The following PDE4D variants were observed in gnomAD, a reference collection of about 807,000 sequenced individuals.
The protein encoded by PDE4D is 3',5'-cyclic-AMP phosphodiesterase 4D.
PDE4D carries 24 observed loss-of-function variants against 87.4 expected under a neutral mutation model. The observed-to-expected ratio is 0.27, with a 90% confidence interval of 0.20 to 0.39. PDE4D has a LOEUF of 0.39. Ranked by LOEUF, PDE4D falls within the 10% of genes least tolerant of loss-of-function variation. PDE4D has a pLI of 1.00. For missense variants in PDE4D, 714 were observed against 1,041.0 expected, an observed-to-expected ratio of 0.69 and a Z score of 4.32; for synonymous variants, 384 against 383.2, an observed-to-expected ratio of 1.00 and a Z score of -0.02.
intron 5 of PDE4D, among the ~76,000 whole-genome samples, chr5:59,068,440 A>C (rs912695014): frequency 3.9e-5 from 6 of 152,134 alleles, no homozygotes; most frequent in Non-Finnish European, 8.8e-5. Context: ...AGCAATTCCT[A>C]TATGGCAGAC....
intron 5 of PDE4D, among the ~76,000 whole-genome samples, chr5:59,090,744 C>T (rs1329569116): frequency 6.6e-6 from 1 of 150,568 alleles, no homozygotes; most frequent in Non-Finnish European, 1.5e-5. Context: ...TACAGAGTCT[C>T]AGACGGGACC....
chr5:59,489,068 C>T (rs1186903438), intron 1 of PDE4D, among the ~76,000 whole-genome samples: 2 of 152,014 alleles, frequency 1.3e-5, no homozygotes, highest in African/African-American at 2.4e-5. Flanking sequence ...GGGCGGATCA[C>T]GCGGTCAAGA....
intron 1 of PDE4D, among the ~76,000 whole-genome samples, chr5:59,831,623 A>G (rs1477595675): frequency 6.6e-6 from 1 of 152,102 alleles, no homozygotes; most frequent in Non-Finnish European, 1.5e-5. Flanking sequence ...GACTTTGGTT[A>G]CATTCTAAGT....
At chr5:60,126,375 TC>T (rs994052281) in intron 2 of PDE4D, among the ~76,000 whole-genome samples, 4 of 152,182 alleles carry the variant, frequency 2.6e-5, no homozygotes, top group African/African-American at 9.6e-5. Context: ...TTATTTTTTT[TC>T]ATAGTAAGTG....
intron 1 of PDE4D, among the ~76,000 whole-genome samples, chr5:60,411,207 C>T (rs1742014260): frequency 6.6e-6 from 1 of 152,070 alleles, no homozygotes; most frequent in African/African-American, 2.4e-5. Context: ...ATTTTCATTG[C>T]TGATAAAAAG....
chr5:59,805,450 TG>T (rs905668033), intron 1 of PDE4D, among the ~76,000 whole-genome samples: 7 of 152,238 alleles, frequency 4.6e-5, no homozygotes, highest in African/African-American at 1.7e-4. Context: ...GTGAGCCAAG[TG>T]TGTTCACTTA....
intron 5 of PDE4D, among the ~76,000 whole-genome samples, chr5:59,046,370 CTGTG>C (rs1156810573): frequency 4.0e-5 from 6 of 149,290 alleles, no homozygotes; most frequent in African/African-American, 1.5e-4. Flanking sequence ...AGCTTGGTCT[CTGTG>C]TGTGCATGTA....
At chr5:59,396,924 G>T (rs1397274028) in intron 1 of PDE4D, among the ~76,000 whole-genome samples, 2 of 114,950 alleles carry the variant, frequency 1.7e-5, no homozygotes, top group Non-Finnish European at 3.6e-5. Context: ...AAAGGCAGGG[G>T]TTGCAATCCT....
At chr5:60,423,679 A>G (rs1451600686) in intron 1 of PDE4D, among the ~76,000 whole-genome samples, 2 of 152,222 alleles carry the variant, frequency 1.3e-5, no homozygotes, top group African/African-American at 4.8e-5. Flanking sequence ...GCAGAAGACA[A>G]GAAATAACTA....
At chr5:59,335,934 T>C (rs1034316300) in intron 1 of PDE4D, among the ~76,000 whole-genome samples, 2 of 152,206 alleles carry the variant, frequency 1.3e-5, no homozygotes, top group African/African-American at 4.8e-5. Flanking sequence ...TGATCTAGAC[T>C]AGAGGTCTAT....
At chr5:59,069,729 A>G (rs1380110799) in intron 5 of PDE4D, among the ~76,000 whole-genome samples, 9 of 150,964 alleles carry the variant, frequency 6.0e-5, no homozygotes, top group Non-Finnish European at 1.5e-5. Context: ...TGTGGTTGCA[A>G]CAAATAACTT....
At chr5:60,033,283 G>A (rs1328207329) in intron 2 of PDE4D, among the ~76,000 whole-genome samples, 1 of 152,092 alleles carries the variant, frequency 6.6e-6, no homozygotes, top group African/African-American at 2.4e-5. Context: ...AAAATCCCCA[G>A]TAATTCATCT....
chr5:59,174,094 A>G (rs1783444728), intron 5 of PDE4D, among the ~76,000 whole-genome samples: 1 of 152,366 alleles, frequency 6.6e-6, no homozygotes, highest in East Asian at 1.9e-4. Flanking sequence ...TAACAAAAAA[A>G]TAATTGTCCC....
chr5:60,503,115 A>G (rs1403318671), intron 1 of PDE4D, among the ~76,000 whole-genome samples: 1 of 152,148 alleles, frequency 6.6e-6, no homozygotes, highest in African/African-American at 2.4e-5. Context: ...TGGATTGACT[A>G]TCTGGAGTAA....
At chr5:60,185,505 A>G (rs1784708652) in intron 2 of PDE4D, 1 of 1,241,736 alleles carries the variant, frequency 8.1e-7, no homozygotes, top group African/African-American at 1.5e-5. Context: ...CCAAAACTAA[A>G]ATGTTATATG....
chr5:60,292,704 G>A (rs1484961345), intron 1 of PDE4D, among the ~76,000 whole-genome samples: 1 of 152,142 alleles, frequency 6.6e-6, no homozygotes, highest in African/African-American at 2.4e-5. Context: ...TTAAAATGTA[G>A]ATGTGTTTCT....
intron 5 of PDE4D, among the ~76,000 whole-genome samples, chr5:59,127,479 T>C (rs1040297309): frequency 2.0e-5 from 3 of 151,890 alleles, no homozygotes; most frequent in African/African-American, 7.3e-5. Context: ...GGCAGCAGTG[T>C]GTGTGAGTGA....
Position 59,668,815 on chromosome 5 carries a change from AGAAGAAGAAGAAGAAGAG to A in PDE4D, c.455+224335_455+224352del, listed in dbSNP as rs1746556847. ...GAAAGAAGAAGAAGAAAGAAGAAGA[AGAAGAAGAAGAAGAAGAG>A]GAAGAGGAAGAGGAAGAAGAAGAAG... On this transcript the variant is annotated intron_variant, in intron 1 of 14. Coordinates refer to ENST00000340635, the MANE Select transcript of PDE4D (RefSeq NM_001104631.2). Among the ~76,000 whole-genome samples, 2 of 94,840 alleles carry A rather than the reference AGAAGAAGAAGAAGAAGAG, an allele frequency of 2.1e-5. 1 individual carries two copies. The highest frequency in any genetic ancestry group is 1.0e-4 in the African/African-American group (2 of 19,798). 62.2% of individuals were successfully genotyped at this position (94,840 alleles called of 152,430 possible).
At chr5:60,177,582 C>T (rs754967513) in intron 2 of PDE4D, among the ~76,000 whole-genome samples, 3 of 152,078 alleles carry the variant, frequency 2.0e-5, no homozygotes, top group African/African-American at 7.2e-5. Flanking sequence ...TAATCAGGAT[C>T]CTGTTTATAC....
Sources: gnomAD v4.1 joint callset for allele counts (sites outside exome capture counted in the v4.1 genomes callset) on GRCh38, gnomAD v4.1.1 for gene constraint, MANE v1.5 for transcripts, NCBI Gene and HGNC (gene_info 2026-07-23, HGNC 2026-07-21) for gene names.